Variants in RANBP10 observed in about 807,000 individuals in gnomAD.
RANBP10 encodes the protein ran-binding protein 10.
In RANBP10, 24 loss-of-function variants were observed where a neutral mutation model predicts 72.8. The observed-to-expected ratio is 0.33, with a 90% CI of 0.24 to 0.46. The LOEUF is 0.46. Ranked by LOEUF, RANBP10 falls within the 20% of genes least tolerant of loss-of-function variation. The pLI, the probability that RANBP10 is intolerant of heterozygous loss-of-function variation, is 1.00. For synonymous variants in RANBP10, 310 were observed against 322.3 expected (o/e 0.96, Z 0.41); for missense variants, 679 against 817.5 (o/e 0.83, Z 2.07).
chr16:67,735,329 T>G (rs531765140), intron 5 of RANBP10, among the ~76,000 whole-genome samples: 36 of 152,332 alleles, frequency 2.4e-4, no homozygotes, highest in Non-Finnish European at 4.6e-4. Context: ...TTTCTGGAAC[T>G]CAGCCAAAGC....
At chr16:67,803,891 G>A (rs2055283984) in intron 2 of RANBP10, among the ~76,000 whole-genome samples, 1 of 148,734 alleles carries the variant, frequency 6.7e-6, no homozygotes, top group Non-Finnish European at 1.5e-5. Context: ...CCCATGATCA[G>A]AATTTCAGAG....
At chr16:67,728,804 T>C (rs1026825951) in intron 10 of RANBP10, among the ~76,000 whole-genome samples, 1 of 152,188 alleles carries the variant, frequency 6.6e-6, no homozygotes, top group Non-Finnish European at 1.5e-5. Flanking sequence ...TCCCCCAACC[T>C]AATGACTGGG....
At chr16:67,750,335 T>A (rs1567687331) in intron 3 of RANBP10, among the ~76,000 whole-genome samples, 1 of 152,234 alleles carries the variant, frequency 6.6e-6, no homozygotes, top group Non-Finnish European at 1.5e-5. Flanking sequence ...TCCTCCCCTC[T>A]TGCCAGTGCA....
rs546439137 is a variant in RANBP10 at position 67,785,636 on chromosome 16, G to A, written c.348-13550C>T. ...CCAGCTACTCAGGAGGCTGAGGCAG[G>A]AGAATCACTTGAACCCGGGAGGCAA... On this transcript the variant is annotated intron_variant, in intron 2 of 13. Coordinates refer to ENST00000317506, the MANE Select transcript of RANBP10 (RefSeq NM_020850.3). 1.3e-4 allele frequency among the ~76,000 whole-genome samples: 20 copies of A among 151,074 alleles called. 1 individual carries two copies. The highest frequency in any genetic ancestry group is 3.4e-3 in the Middle Eastern group (1 of 292).
chr16:67,724,078 C>T lies in RANBP10; in HGVS notation c.*2350G>A, dbSNP rs1040911391. 6.5e-6 allele frequency: 1 copy of T among 152,708 alleles called. No homozygotes were observed. The highest frequency in any genetic ancestry group is 1.5e-5 in the Non-Finnish European group (1 of 68,236). The allele number at this position is 152,708 out of a possible 1,614,324, so 9.5% of individuals were successfully genotyped here. ...TACCAAGTGCGAGCCAGGCAGACACCCAACCCCATGCAGCACACAGCTGTC... is the reference window on the plus strand; with the variant it reads ...TACCAAGTGCGAGCCAGGCAGACACTCAACCCCATGCAGCACACAGCTGTC... On this transcript the variant is annotated 3_prime_UTR_variant, in exon 14 of 14. Transcript: ENST00000317506.
At chr16:67,755,481 C>G (rs944955493) in intron 3 of RANBP10, among the ~76,000 whole-genome samples, 80 of 152,080 alleles carry the variant, frequency 5.3e-4, no homozygotes, top group African/African-American at 1.8e-3. Context: ...GTCAGGAGTT[C>G]AAGACCAGCC....
At chr16:67,792,561 CA>C (rs527254214) in intron 2 of RANBP10, among the ~76,000 whole-genome samples, 220 of 116,380 alleles carry the variant, frequency 1.9e-3, no homozygotes, top group Admixed American at 1.9e-3. Flanking sequence ...GACTCCATCT[CA>C]AAAAAAAAAA....
At chr16:67,786,221 T>C (rs546273947) in intron 2 of RANBP10, among the ~76,000 whole-genome samples, 1 of 151,776 alleles carries the variant, frequency 6.6e-6, no homozygotes, top group East Asian at 1.9e-4. Flanking sequence ...CCCAGCTACT[T>C]GGGATGCTGA....
intron 2 of RANBP10, among the ~76,000 whole-genome samples, chr16:67,799,236 G>A (rs1291965294): frequency 6.6e-6 from 1 of 150,928 alleles, no homozygotes; most frequent in Non-Finnish European, 1.5e-5. Context: ...CCACACACAA[G>A]GTATTTTCAG....
At chr16:67,759,955 C>T (rs2054363177) in intron 3 of RANBP10, among the ~76,000 whole-genome samples, 1 of 152,078 alleles carries the variant, frequency 6.6e-6, no homozygotes, top group South Asian at 2.1e-4. Context: ...AAAAAATTAG[C>T]TGGGTGTGGT....
intron 10 of RANBP10, 115 bp from the exon 11 acceptor site, chr16:67,728,626 G>A (rs763279191): frequency 1.3e-6 from 2 of 1,564,856 alleles, no homozygotes. Context: ...AGGACCCCCA[G>A]GAACATGAAA....
chr16:67,733,413 T>C (rs2053773961), intron 6 of RANBP10, among the ~76,000 whole-genome samples: 1 of 152,082 alleles, frequency 6.6e-6, no homozygotes, highest in Non-Finnish European at 1.5e-5. Flanking sequence ...CATATTATTA[T>C]TATAAACACA....
chr16:67,759,443 G>C (rs1021661332), intron 3 of RANBP10: 3 of 152,224 alleles, frequency 2.0e-5, no homozygotes, highest in African/African-American at 7.2e-5. Flanking sequence ...ACAATCAGTT[G>C]GTTTCTTCCC....
At chr16:67,731,220 C>T in intron 7 of RANBP10, 1 of 416,102 alleles carries the variant, frequency 2.4e-6, no homozygotes, top group Non-Finnish European at 4.4e-6. Context: ...CCAGCCATGC[C>T]AGGGCCTGGC....
intron 4 of RANBP10, 103 bp downstream of exon 4, chr16:67,744,185 G>A (rs1002003511): frequency 6.6e-7 from 1 of 1,519,346 alleles, no homozygotes; most frequent in Non-Finnish European, 8.8e-7. Context: ...CGGTACCCCA[G>A]AGCTCAGCAG....
At chr16:67,776,755 G>C (rs1338864108) in intron 2 of RANBP10, among the ~76,000 whole-genome samples, 1 of 141,444 alleles carries the variant, frequency 7.1e-6, no homozygotes, top group East Asian at 2.1e-4. Context: ...CTGGGTGACA[G>C]AGCAAGACTT....
At chr16:67,799,638 C>T (rs1217500695) in intron 2 of RANBP10, among the ~76,000 whole-genome samples, 1 of 152,116 alleles carries the variant, frequency 6.6e-6, no homozygotes, top group South Asian at 2.1e-4. Flanking sequence ...ATCTGCTTCT[C>T]ACTTTGTTCA....
chr16:67,804,693 ATT>A (rs1366051555), intron 2 of RANBP10, among the ~76,000 whole-genome samples: 1 of 151,816 alleles, frequency 6.6e-6, no homozygotes, highest in Non-Finnish European at 1.5e-5. Context: ...ATGCCAGTTA[ATT>A]TTTTTGTATT....
chr16:67,795,446 G>C (rs1252734548), intron 2 of RANBP10, among the ~76,000 whole-genome samples: 1 of 151,852 alleles, frequency 6.6e-6, no homozygotes, highest in African/African-American at 2.4e-5. Context: ...GGCTGAGGCA[G>C]GAGAATCGCT....
Sources: gnomAD v4.1 joint callset for allele counts (sites outside exome capture counted in the v4.1 genomes callset) on GRCh38, gnomAD v4.1.1 for gene constraint, MANE v1.5 for transcripts, NCBI Gene and HGNC (gene_info 2026-07-23, HGNC 2026-07-21) for gene names.